The following CFI variants were observed in gnomAD, a reference collection of about 807,000 sequenced individuals.
CFI encodes the protein C3B/C4B inactivator.
In CFI, 66 loss-of-function variants were observed where a neutral mutation model predicts 78.8. The ratio of observed to expected loss-of-function variants is 0.84; its 90% CI spans 0.69 to 1.03. The LOEUF is 1.03. CFI is among the 50% of genes least tolerant of loss of function. CFI has a pLI of 0.00. For missense variants in CFI, 706 were observed against 704.5 expected (o/e 1.00, Z -0.02); for synonymous variants, 250 against 232.6 (o/e 1.07, Z -0.68).
In CFI at chr4:109,759,411, A is replaced by G. The variant is rs1213640337; in HGVS notation, c.883+859T>C. Among the ~76,000 whole-genome samples, 4 of 152,300 alleles carry G rather than the reference A, an allele frequency of 2.6e-5. No homozygotes were observed. In the East Asian group the frequency reaches 5.8e-4, roughly 22 times the overall value. On this transcript the variant is annotated intron_variant, in intron 6 of 12. Transcript: ENST00000394634. Reference sequence around the variant, plus strand: ...TTGAATCTATTCATTCAAAAAAGACATTTTTGAGATAGTTGAGAAAATTTG... The same window carrying G: ...TTGAATCTATTCATTCAAAAAAGACGTTTTTGAGATAGTTGAGAAAATTTG...
chr4:109,739,667 T>C (rs139729126), downstream of CFI, among the ~76,000 whole-genome samples: 1 of 152,266 alleles, frequency 6.6e-6, no homozygotes, highest in African/African-American at 2.4e-5. Context: ...CATATACTAA[T>C]CTGAGGTTCT....
intron 7 of CFI, among the ~76,000 whole-genome samples, chr4:109,754,309 G>A (rs1725835592): frequency 6.6e-6 from 1 of 150,942 alleles, no homozygotes. Context: ...AAGGTAGGGA[G>A]CAGTCATCAG....
At chr4:109,742,087 C>T (rs543345002) in intron 12 of CFI, 2 of 176,202 alleles carry the variant, frequency 1.1e-5, no homozygotes, top group Non-Finnish European at 2.4e-5. Flanking sequence ...CCTGGGTGTA[C>T]CACCTCTTGT....
rs1249443286 is a variant in CFI, at chr4:109,742,478, A to G, written c.1534+13T>C. The stretch of plus-strand genomic sequence containing the variant: ...TACATCTTGACATCTTGGATAAACC[A>G]CTTGGCACTTACCTGCACATTCCAT... On this transcript the variant is annotated intron_variant, in intron 12 of 12. Transcript: ENST00000394634. The G allele has an allele frequency of 1.3e-6, 2 of 1,539,888 alleles. No homozygotes were observed. The highest frequency in any genetic ancestry group is 1.8e-6 in the Non-Finnish European group (2 of 1,112,418).
chr4:109,756,977 G>GAAATAAATAAAT (rs1554028314), intron 7 of CFI, among the ~76,000 whole-genome samples: 1 of 141,046 alleles, frequency 7.1e-6, no homozygotes, highest in Non-Finnish European at 1.6e-5. Context: ...AAGAAAGAAA[G>GAAATAAATAAAT]AAATTCTGAG....
Position 109,799,033 on chromosome 4 carries a change from A to G in CFI, c.57+2882T>C, listed in dbSNP as rs919834536. ...ACCTTAGCCTTCACTTCATACTTGCACTGAACTTAGACAACCACCAGAGGT... is the reference window on the plus strand; with the variant it reads ...ACCTTAGCCTTCACTTCATACTTGCGCTGAACTTAGACAACCACCAGAGGT... On this transcript the variant is annotated intron_variant, in intron 1 of 12. Coordinates refer to ENST00000394634, the MANE Select transcript of CFI (RefSeq NM_000204.5). 5.3e-5 allele frequency among the ~76,000 whole-genome samples: 8 copies of G among 152,128 alleles called. 1 individual carries two copies. Among genetic ancestry groups the G allele is most frequent in the Admixed American group, 1.3e-4 (2 of 15,272 alleles).
chr4:109,801,843 G>T, intron 1 of CFI, 72 bp downstream of exon 1: 1 of 998,476 alleles, frequency 1.0e-6, no homozygotes, highest in Non-Finnish European at 1.5e-6. Context: ...ATATATTTAA[G>T]ATTATTTTCT....
intron 1 of CFI, among the ~76,000 whole-genome samples, chr4:109,769,880 C>T (rs576852826): frequency 6.6e-6 from 1 of 152,250 alleles, no homozygotes; most frequent in Admixed American, 6.5e-5. Flanking sequence ...CACCAGGCAC[C>T]TCCAGCCTTG....
the CFI span, among the ~76,000 whole-genome samples, chr4:109,735,395 G>A: frequency 3.9e-5 from 6 of 152,330 alleles, no homozygotes; most frequent in Non-Finnish European, 7.3e-5. Context: ...TTGATGAGAT[G>A]AGAATGCAAA....
At position 109,755,886 on chromosome 4, in the gene CFI, A is replaced by C. The variant is rs191863704; in HGVS notation, c.904+1877T>G. ...TGGGCTGAAAGTCCATTACTGAGAA[A>C]GTGGAGAGTAAATTGTGCAAGATAA... On this transcript the variant is annotated intron_variant, in intron 7 of 12. Coordinates refer to ENST00000394634, the MANE Select transcript of CFI (RefSeq NM_000204.5). 9.2e-4 allele frequency among the ~76,000 whole-genome samples: 140 copies of C among 152,316 alleles called. 2 individuals are homozygous for C. Among genetic ancestry groups the C allele is most frequent in the African/African-American group, 3.2e-3 (135 of 41,560 alleles).
At chr4:109,761,909 G>T in intron 3 of CFI, 2 of 519,266 alleles carry the variant, frequency 3.9e-6, no homozygotes, top group Non-Finnish European at 6.9e-6. Flanking sequence ...CTAAAACTTG[G>T]CTGGGGGTGG....
At chr4:109,754,428 A>G (rs1268700108) in intron 7 of CFI, among the ~76,000 whole-genome samples, 1 of 142,266 alleles carries the variant, frequency 7.0e-6, no homozygotes, top group East Asian at 2.0e-4. Flanking sequence ...AAAAAAAAAG[A>G]ATCTTCTTTT....
At chr4:109,750,920 G>C (rs576440654) in intron 8 of CFI, among the ~76,000 whole-genome samples, 2 of 152,262 alleles carry the variant, frequency 1.3e-5, no homozygotes, top group South Asian at 4.1e-4. Flanking sequence ...CCTTGTATAA[G>C]AGCATGTACT....
At chr4:109,752,092 A>T (rs1194065140) in intron 8 of CFI, among the ~76,000 whole-genome samples, 2 of 152,230 alleles carry the variant, frequency 1.3e-5, no homozygotes, top group African/African-American at 4.8e-5. Context: ...AGAATGGTTA[A>T]TTCAATTAAC....
At chr4:109,747,508 T>C (rs1724624951) in intron 10 of CFI, among the ~76,000 whole-genome samples, 1 of 152,204 alleles carries the variant, frequency 6.6e-6, no homozygotes, top group Admixed American at 6.5e-5. Context: ...TCTACCATCA[T>C]CTTCTCATGG....
rs146033280 is a variant in CFI, at chr4:109,765,013, A to T, written c.329-323T>A. Among the ~76,000 whole-genome samples the T allele has an allele frequency of 3.2e-3, 482 of 152,326 alleles. 2 individuals are homozygous for T. The highest frequency in any genetic ancestry group is 0.011 in the African/African-American group (454 of 41,562). Reference sequence around the variant, plus strand: ...TGAAGCCAGGATTTGGAACTTGCTCAGTTGATCTCACTCCAAAGTCCATGC... The same window carrying T: ...TGAAGCCAGGATTTGGAACTTGCTCTGTTGATCTCACTCCAAAGTCCATGC... On this transcript the variant is annotated intron_variant, in intron 2 of 12. Transcript: ENST00000394634.
At chr4:109,772,380 A>T (rs1728712706) in intron 1 of CFI, among the ~76,000 whole-genome samples, 1 of 152,264 alleles carries the variant, frequency 6.6e-6, no homozygotes, top group South Asian at 2.1e-4. Flanking sequence ...AATATAAACG[A>T]TGTGAGTATG....
At chr4:109,737,914 T>C (rs2126175208), downstream of CFI, among the ~76,000 whole-genome samples, 1 of 152,312 alleles carries the variant, frequency 6.6e-6, no homozygotes, top group African/African-American at 2.4e-5. Context: ...CTGCTGTTCC[T>C]GGTCTCTGTC....
chr4:109,778,195 A>C lies in CFI; in HGVS notation c.58-11371T>G, dbSNP rs146395411. 9.5e-3 allele frequency among the ~76,000 whole-genome samples: 1,441 copies of C among 152,186 alleles called. 64 individuals are homozygous for C. The East Asian group carries it at 0.13, about 13-fold the overall frequency. ...TTCAAAAAATCAATGAATCCAGGAG[A>C]TGGTTTTTTGAAAAGATCAACAAAA... On this transcript the variant is annotated intron_variant, in intron 1 of 12. Coordinates refer to ENST00000394634, the MANE Select transcript of CFI (RefSeq NM_000204.5).
Sources: allele counts gnomAD v4.1 joint callset (sites outside exome capture counted in the v4.1 genomes callset), GRCh38; gene constraint gnomAD v4.1.1; transcripts MANE v1.5; gene names NCBI Gene and HGNC (gene_info 2026-07-23, HGNC 2026-07-21).